The following NF2 variants were observed in gnomAD, a reference collection of about 807,000 sequenced individuals.
NF2 encodes merlin.
Under a neutral mutation model 83.7 loss-of-function variants are expected in NF2, and 8 were observed. That is an observed-to-expected ratio of 0.10 (90% CI 0.06 to 0.17). NF2 has a LOEUF of 0.17. Among genes scored for constraint, NF2 ranks in the 10% least tolerant of loss-of-function variants. The pLI is 1.00. For missense variants in NF2, 533 were observed against 744.4 expected, an observed-to-expected ratio of 0.72 and a Z score of 3.31; for synonymous variants, 266 against 269.6, an observed-to-expected ratio of 0.99 and a Z score of 0.13.
intron 1 of NF2, among the ~76,000 whole-genome samples, chr22:29,624,811 TTCTTTCTTTC>T (rs1330527948): frequency 2.5e-5 from 2 of 79,708 alleles, no homozygotes; most frequent in African/African-American, 1.0e-4. Context: ...CTTTCTTTCT[TTCTTTCTTTC>T]TTTCTTTCTT....
chr22:29,618,084 G>A (rs2146743944), intron 1 of NF2, among the ~76,000 whole-genome samples: 1 of 152,302 alleles, frequency 6.6e-6, no homozygotes, highest in African/African-American at 2.4e-5. Flanking sequence ...GCACTGCCCT[G>A]TTGTGATTTA....
At chr22:29,691,423 G>A (rs1472340634) in intron 15 of NF2, among the ~76,000 whole-genome samples, 4 of 152,202 alleles carry the variant, frequency 2.6e-5, no homozygotes, top group South Asian at 2.1e-4. Context: ...GACCCAGGCC[G>A]GTTGCTGAGC....
intron 15 of NF2, among the ~76,000 whole-genome samples, chr22:29,692,593 G>A (rs771839314): frequency 2.0e-5 from 3 of 152,204 alleles, no homozygotes; most frequent in South Asian, 2.1e-4. Context: ...CACAGCCTGG[G>A]CTCCCTGCCT....
chr22:29,652,028 G>T (rs1372806349), intron 4 of NF2, among the ~76,000 whole-genome samples: 3 of 152,164 alleles, frequency 2.0e-5, no homozygotes, highest in African/African-American at 7.2e-5. Context: ...GCCATGTGCT[G>T]TGCGAAATGC....
At chr22:29,609,307 GA>G in intron 1 of NF2, 1 of 673,506 alleles carries the variant, frequency 1.5e-6, no homozygotes. Context: ...TTCACTGGTT[GA>G]GGATCCAGTT....
chr22:29,643,583 G>A (rs2065876614), intron 4 of NF2, among the ~76,000 whole-genome samples: 1 of 152,210 alleles, frequency 6.6e-6, no homozygotes, highest in African/African-American at 2.4e-5. Context: ...CATAGCACAT[G>A]TTTCAGAGAG....
intron 1 of NF2, among the ~76,000 whole-genome samples, chr22:29,620,603 A>G (rs2065192812): frequency 6.7e-6 from 1 of 149,668 alleles, no homozygotes; most frequent in Non-Finnish European, 1.5e-5. Context: ...GCCGGGGGCA[A>G]TGGCATGTGC....
At chr22:29,659,947 T>G (rs2066428668) in intron 7 of NF2, among the ~76,000 whole-genome samples, 1 of 152,246 alleles carries the variant, frequency 6.6e-6, no homozygotes, top group Non-Finnish European at 1.5e-5. Context: ...AGATTTATGC[T>G]GGAGTACTCA....
At chr22:29,610,931 A>G (rs2064936410) in intron 1 of NF2, among the ~76,000 whole-genome samples, 1 of 152,198 alleles carries the variant, frequency 6.6e-6, no homozygotes, top group South Asian at 2.1e-4. Flanking sequence ...CAAAAATACT[A>G]GCAAACTGAA....
chr22:29,607,069 C>T (rs990220666), intron 1 of NF2, among the ~76,000 whole-genome samples: 4 of 152,080 alleles, frequency 2.6e-5, no homozygotes, highest in South Asian at 2.1e-4. Context: ...TGACCACAGA[C>T]CTCTGAGGTG....
At chr22:29,653,001 G>A (rs913382403) in intron 4 of NF2, among the ~76,000 whole-genome samples, 1 of 152,088 alleles carries the variant, frequency 6.6e-6, no homozygotes. Context: ...GCTCACTGTA[G>A]CCTTAACCCG....
chr22:29,634,256 C>T (rs2065590964), intron 1 of NF2, among the ~76,000 whole-genome samples: 1 of 152,134 alleles, frequency 6.6e-6, no homozygotes, highest in South Asian at 2.1e-4. Flanking sequence ...GTCTACGATC[C>T]TTTGTGTCAA....
intron 1 of NF2, among the ~76,000 whole-genome samples, chr22:29,620,291 C>T (rs1051980532): frequency 2.6e-5 from 4 of 151,650 alleles, no homozygotes; most frequent in East Asian, 1.9e-4. Flanking sequence ...CGTGGTTGTG[C>T]GCACCTGTAG....
intron 11 of NF2, 41 bp from the exon 12 acceptor site, chr22:29,673,228 G>A: frequency 1.3e-6 from 2 of 1,546,302 alleles, no homozygotes; most frequent in Non-Finnish European, 8.8e-7. Flanking sequence ...CGGGAGAACA[G>A]CACATGATCC....
intron 11 of NF2, 119 bp downstream of exon 11, chr22:29,672,067 G>C: frequency 2.1e-6 from 3 of 1,462,254 alleles, no homozygotes; most frequent in Non-Finnish European, 2.8e-6. Flanking sequence ...CTTAATTTCA[G>C]CTTTGAAAAA....
chr22:29,633,072 C>T (rs2065557541), intron 1 of NF2, among the ~76,000 whole-genome samples: 1 of 152,102 alleles, frequency 6.6e-6, no homozygotes, highest in Non-Finnish European at 1.5e-5. Context: ...ACTGAGCAAA[C>T]CTCATGCATT....
intron 1 of NF2, among the ~76,000 whole-genome samples, chr22:29,613,093 T>C (rs1305583112): frequency 2.7e-5 from 4 of 147,242 alleles, no homozygotes; most frequent in Non-Finnish European, 4.5e-5. Context: ...CGAAACTCCA[T>C]CTCAAAAAAA....
At chr22:29,615,688 T>C (rs1011960464) in intron 1 of NF2, among the ~76,000 whole-genome samples, 2 of 152,102 alleles carry the variant, frequency 1.3e-5, no homozygotes, top group African/African-American at 4.8e-5. Context: ...TTAGCTGTGA[T>C]TGTGGTGCTA....
At chr22:29,643,574 A>G (rs1039886304) in intron 4 of NF2, among the ~76,000 whole-genome samples, 3 of 152,232 alleles carry the variant, frequency 2.0e-5, no homozygotes, top group Non-Finnish European at 2.9e-5. Context: ...CTGAGTGGAC[A>G]TAGCACATGT....
Sources: gnomAD v4.1 joint callset for allele counts (sites outside exome capture counted in the v4.1 genomes callset) on GRCh38, gnomAD v4.1.1 for gene constraint, MANE v1.5 for transcripts, NCBI Gene and HGNC (gene_info 2026-07-23, HGNC 2026-07-21) for gene names.